Variants in PIWIL3 observed in about 807,000 individuals in gnomAD.
PIWIL3 encodes piwi like RNA-mediated gene silencing 3.
In PIWIL3, 101 loss-of-function variants were observed where a neutral mutation model predicts 109.7. That is an observed-to-expected ratio of 0.92 (90% CI 0.78 to 1.09). PIWIL3 has a LOEUF of 1.09. Among genes scored for constraint, PIWIL3 ranks in the 50% least tolerant of loss-of-function variants. PIWIL3 has a pLI of 0.00. For missense variants in PIWIL3, 1,031 were observed against 1,072.6 expected, an observed-to-expected ratio of 0.96 and a Z score of 0.54; for synonymous variants, 373 against 376.4, an observed-to-expected ratio of 0.99 and a Z score of 0.10.
Position 24,719,890 on chromosome 22 carries a change from T to C in PIWIL3, c.2363A>G (p.Asp788Gly). ...CACAGACTGACTCACAATAAAAAAG[T>C]CATACCTGGAAATATAGGACATGTG... ...DVELTRNEWYDFFIVSQSVQD... is the reference protein window; with the variant it reads ...DVELTRNEWYGFFIVSQSVQD... The change falls in exon 20 of 21, where the codon GAC becomes GGC. Residue 788 changes from aspartate (D) to glycine (G), a missense_variant. Transcript: ENST00000616349. 1 of 1,608,776 alleles carries C rather than the reference T, an allele frequency of 6.2e-7. No individual in the cohort carries two copies. Among genetic ancestry groups the C allele is most frequent in the Non-Finnish European group, 8.5e-7 (1 of 1,176,256 alleles).
At chr22:24,751,341 T>G (rs748688718) in intron 9 of PIWIL3, 46 bp downstream of exon 9, 3 of 1,525,788 alleles carry the variant, frequency 2.0e-6, no homozygotes, top group South Asian at 1.2e-5. Context: ...CTGAAATACA[T>G]GAAGGTTTAC....
At chr22:24,724,791 T>G (rs1922893525) in intron 18 of PIWIL3, 96 bp downstream of exon 18, 4 of 1,373,620 alleles carry the variant, frequency 2.9e-6, no homozygotes, top group Non-Finnish European at 4.0e-6. Context: ...AAGCTGGTCT[T>G]GAACTCCTGG....
chr22:24,742,086 G>A (rs555561014), intron 12 of PIWIL3, among the ~76,000 whole-genome samples: 6 of 144,362 alleles, frequency 4.2e-5, no homozygotes, highest in East Asian at 2.1e-4. Context: ...CAGTAGCACT[G>A]CTATACATCA....
In PIWIL3 at chr22:24,755,919, A is replaced by AG; in HGVS notation, c.571-15_571-14insC. 1 of 1,583,634 alleles carries AG rather than the reference A, an allele frequency of 6.3e-7. No homozygotes were observed. ...CCATTCCACTCTCTGAGATTAAAAA[A>AG]AAACAAAAAAAAAAGTCCAGATATT... On this transcript the variant is annotated splice_polypyrimidine_tract_variant and intron_variant, in intron 5 of 20. Coordinates refer to ENST00000616349, the MANE Select transcript of PIWIL3 (RefSeq NM_001255975.1).
In PIWIL3 at chr22:24,728,243, G is replaced by A. The variant is rs370339346; in HGVS notation, c.1839C>T (p.Ile613=). ...KTLEKVQART[I]VTKIAQQMNC... ...TCATCTGCTGGGCAATCTTGGTGAC[G>A]ATGGTCCTTGCCTGGACTTTTTCTA... Residue 613 remains isoleucine (I), a synonymous_variant, in exon 15 of 21, where the codon ATC becomes ATT. Coordinates refer to ENST00000616349, the MANE Select transcript of PIWIL3 (RefSeq NM_001255975.1). 8.7e-6 allele frequency: 14 copies of A among 1,614,080 alleles called. No individual in the cohort carries two copies. In the African/African-American group the frequency reaches 1.7e-4, roughly 20 times the overall value.
Position 24,762,480 on chromosome 22 carries a change from G to A in PIWIL3, c.20C>T (p.Thr7Ile). The A allele has an allele frequency of 6.2e-7, 1 of 1,613,482 alleles. No individual in the cohort carries two copies. Among genetic ancestry groups the A allele is most frequent in the Non-Finnish European group, 8.5e-7 (1 of 1,179,822 alleles). Residue 7 changes from threonine (T) to isoleucine (I), a missense_variant, in exon 2 of 21, where the codon ACT (threonine) becomes ATT (isoleucine). By Grantham distance (89) the Thr-to-Ile change is moderately conservative (BLOSUM62 -1). Coordinates refer to ENST00000616349, the MANE Select transcript of PIWIL3 (RefSeq NM_001255975.1). ...GCGGCGGGCTCTGCCTCGGGCGCGA[G>A]TCCTTGCCCTACCAGGCATTGTGGT... MPGRAR[T>I]RARGRARRRE...
rs199577628 is a variant in PIWIL3 at position 24,744,182 on chromosome 22, A to T, written c.1449+4725T>A. On this transcript the variant is annotated intron_variant, in intron 12 of 20. Transcript: ENST00000616349. ...TAATTGAAAGAGTGACCGAATTAAA[A>T]AAAAAAAAAAAAAAAAAAAAAAAAA... Among the ~76,000 whole-genome samples the T allele has an allele frequency of 9.6e-3, 909 of 94,894 alleles. 9 individuals are homozygous for T. Among genetic ancestry groups the T allele is most frequent in the Middle Eastern group, 0.019 (4 of 210 alleles). 62.3% of individuals were successfully genotyped at this position (94,894 alleles called of 152,430 possible).
intron 1 of PIWIL3, among the ~76,000 whole-genome samples, chr22:24,773,635 C>CATATATCTAAATATGT (rs1249068787): frequency 6.6e-6 from 1 of 151,122 alleles, no homozygotes; most frequent in Non-Finnish European, 1.5e-5. Context: ...TACACATATA[C>CATATATCTAAATATGT]ATATGTATCT....
intron 16 of PIWIL3, among the ~76,000 whole-genome samples, chr22:24,725,921 C>T (rs1188047200): frequency 6.6e-6 from 1 of 152,140 alleles, no homozygotes; most frequent in East Asian, 1.9e-4. Flanking sequence ...ATGGTGGCAG[C>T]TGTTGACACA....
chr22:24,735,782 T>G lies in PIWIL3; in HGVS notation c.1560A>C (p.Arg520Ser). The G allele has an allele frequency of 6.2e-7, 1 of 1,614,028 alleles. No homozygotes were observed. Among genetic ancestry groups the G allele is most frequent in the African/African-American group, 1.3e-5 (1 of 74,950 alleles). ...GATGACCCTTTAAGGACATGGCTTCTCTGTGACTGCTCCTGCTATAGAGTA... is the reference window on the plus strand; with the variant it reads ...GATGACCCTTTAAGGACATGGCTTCGCTGTGACTGCTCCTGCTATAGAGTA... The part of the protein sequence containing the change: ...WLILYSRSSH[R>S]EAMSLKGHLQ... Residue 520 changes from arginine (R) to serine (S), a missense_variant, in exon 13 of 21, where the codon AGA (arginine) becomes AGC (serine). Transcript: ENST00000616349.
chr22:24,722,809 C>T (rs1408979461), intron 19 of PIWIL3, among the ~76,000 whole-genome samples: 1 of 152,164 alleles, frequency 6.6e-6, no homozygotes, highest in East Asian at 1.9e-4. Context: ...TTTGTGATGA[C>T]TCCAAATTGT....
chr22:24,751,400 T>A lies in PIWIL3; in HGVS notation c.1076A>T (p.Asp359Val). 1.2e-6 allele frequency: 2 copies of A among 1,612,158 alleles called. No individual in the cohort carries two copies. Among genetic ancestry groups the A allele is most frequent in the Middle Eastern group, 1.7e-4 (1 of 6,052 alleles). The change falls in exon 9 of 21, where the codon GAC becomes GTC. Residue 359 changes from aspartate (D) to valine (V), a missense_variant. Coordinates refer to ENST00000616349, the MANE Select transcript of PIWIL3 (RefSeq NM_001255975.1). Reference protein sequence around the residue: ...KSDGSKITYIDYYRQQHKEIV... With the variant: ...KSDGSKITYIVYYRQQHKEIV... ...ACAGTTTCATACCTGCCTGTAGTAG[T>A]CTATATAGGTGATTTTGCTGCCATC... is the stretch of plus-strand genomic sequence containing the variant.
In PIWIL3 at chr22:24,723,269, G is replaced by A. The variant is rs754694477; in HGVS notation, c.2232-14C>T. The A allele has an allele frequency of 2.5e-6, 4 of 1,604,280 alleles. No homozygotes were observed. The Admixed American group carries it at 6.7e-5, about 27-fold the overall frequency. On this transcript the variant is annotated splice_polypyrimidine_tract_variant and intron_variant, in intron 18 of 20. Coordinates refer to ENST00000616349, the MANE Select transcript of PIWIL3 (RefSeq NM_001255975.1). ...GCTAGAGTGAAACTTAAAAAAATTA[G>A]GGTAAGTGTCACTATGTTTACTCAG...
At chr22:24,724,726 C>T (rs751134706) in intron 18 of PIWIL3, among the ~76,000 whole-genome samples, 161 bp downstream of exon 18, 7 of 152,036 alleles carry the variant, frequency 4.6e-5, no homozygotes, top group East Asian at 1.9e-4. Context: ...CATGAGCCAC[C>T]GCACCCGGCC....
chr22:24,759,960 T>C lies in PIWIL3; in HGVS notation c.132A>G (p.Thr44=), dbSNP rs1601849026. The change falls in exon 3 of 21, where the codon ACA becomes ACG. Residue 44 remains threonine (T), a synonymous_variant. Transcript: ENST00000616349. ...TTQEPPQLQS[T]PRPLQEEVPV... ...GGACTTCCTCCTGCAGCGGCCGGGG[T>C]GTCGACTGCAACTGAGGGGGCTCCT... is the stretch of plus-strand genomic sequence containing the variant. The C allele has an allele frequency of 6.2e-7, 1 of 1,614,012 alleles. No homozygotes were observed. The highest frequency in any genetic ancestry group is 8.5e-7 in the Non-Finnish European group (1 of 1,180,002).
intron 1 of PIWIL3, among the ~76,000 whole-genome samples, chr22:24,769,384 G>A (rs137927928): frequency 3.9e-5 from 6 of 152,132 alleles, no homozygotes; most frequent in South Asian, 2.1e-4. Flanking sequence ...AGGCCGAGGC[G>A]GGTGGATCAC....
At chr22:24,732,840 G>A (rs1569099024) in intron 14 of PIWIL3, among the ~76,000 whole-genome samples, 1 of 152,082 alleles carries the variant, frequency 6.6e-6, no homozygotes, top group Non-Finnish European at 1.5e-5. Context: ...AGGTAATCTT[G>A]AGCTTTTCAG....
intron 12 of PIWIL3, among the ~76,000 whole-genome samples, chr22:24,740,246 T>C (rs1210070318): frequency 6.3e-4 from 59 of 93,192 alleles, no homozygotes; most frequent in Non-Finnish European, 8.1e-4. Flanking sequence ...TTCTAAAAGC[T>C]CAATTAGAAA....
In PIWIL3 at chr22:24,761,612, C is replaced by T. The variant is rs185773859; in HGVS notation, c.102+786G>A. Among the ~76,000 whole-genome samples the T allele has an allele frequency of 3.7e-4, 57 of 152,234 alleles. No homozygotes were observed. In the East Asian group the frequency reaches 9.9e-3, roughly 26 times the overall value. Reference sequence around the variant, plus strand: ...AGACATGCCCTAGACAGAGGACTGGCTAAGGGGCTAAGTAGAGATATTTGC... The same window carrying T: ...AGACATGCCCTAGACAGAGGACTGGTTAAGGGGCTAAGTAGAGATATTTGC... On this transcript the variant is annotated intron_variant, in intron 2 of 20. Transcript: ENST00000616349.
Sources: allele counts gnomAD v4.1 joint callset (sites outside exome capture counted in the v4.1 genomes callset), GRCh38; gene constraint gnomAD v4.1.1; transcripts MANE v1.5; gene names NCBI Gene and HGNC (gene_info 2026-07-23, HGNC 2026-07-21).